Variants in PLXNA1 observed in about 807,000 individuals in gnomAD.
PLXNA1 encodes the protein plexin-A1.
In PLXNA1, 77 loss-of-function variants were observed where a neutral mutation model predicts 191.7. The observed-to-expected ratio is 0.40, with a 90% confidence interval of 0.33 to 0.49. The LOEUF (loss-of-function observed/expected upper bound fraction) is 0.49. Ranked by LOEUF, PLXNA1 falls within the 20% of genes least tolerant of loss-of-function variation. PLXNA1 has a pLI of 0.63. For missense variants in PLXNA1, 2,110 were observed against 2,660.2 expected (o/e 0.79, Z 4.55); for synonymous variants, 1,137 against 1,156.4 (o/e 0.98, Z 0.34).
chr3:127,025,048 G>T (rs1246220531), intron 23 of PLXNA1, among the ~76,000 whole-genome samples: 1 of 152,154 alleles, frequency 6.6e-6, no homozygotes, highest in Non-Finnish European at 1.5e-5. Context: ...ATTTGGTCCA[G>T]TCAGTGAACC....
intron 23 of PLXNA1, 108 bp from the exon 24 acceptor site, chr3:127,027,832 T>C: frequency 6.8e-7 from 1 of 1,466,382 alleles, no homozygotes; most frequent in African/African-American, 1.4e-5. Flanking sequence ...GAAGTGCTGC[T>C]CATTTCTCCT....
At chr3:126,996,570 G>A (rs1046021606) in intron 3 of PLXNA1, among the ~76,000 whole-genome samples, 1 of 152,164 alleles carries the variant, frequency 6.6e-6, no homozygotes, top group Non-Finnish European at 1.5e-5. Flanking sequence ...GTAGGAGACC[G>A]TCCTGAAAGA....
At chr3:127,006,567 G>A (rs1230517157) in intron 8 of PLXNA1, among the ~76,000 whole-genome samples, 4 of 152,306 alleles carry the variant, frequency 2.6e-5, no homozygotes, top group Non-Finnish European at 4.4e-5. Flanking sequence ...GTGGCCCATG[G>A]GCACTGGCAT....
At chr3:127,033,499 G>C (rs1195815092) in intron 31 of PLXNA1, among the ~76,000 whole-genome samples, 1 of 152,212 alleles carries the variant, frequency 6.6e-6, no homozygotes, top group East Asian at 1.9e-4. Flanking sequence ...CCTCAGGCAG[G>C]TGCCCCAGGG....
intron 14 of PLXNA1, 99 bp downstream of exon 14, chr3:127,014,930 C>T (rs1301453005): frequency 2.0e-6 from 3 of 1,505,162 alleles, no homozygotes; most frequent in Non-Finnish European, 2.7e-6. Context: ...TCTGGCCATG[C>T]TCTGCCACTG....
At chr3:127,028,384 A>G (rs755470363) in intron 25 of PLXNA1, 44 bp downstream of exon 25, 2 of 1,581,062 alleles carry the variant, frequency 1.3e-6, no homozygotes, top group Admixed American at 1.8e-5. Context: ...GTGCTGGAGC[A>G]GAGGGGCAGG....
At chr3:127,006,964 A>G (rs1476867159) in intron 8 of PLXNA1, among the ~76,000 whole-genome samples, 1 of 152,162 alleles carries the variant, frequency 6.6e-6, no homozygotes, top group Admixed American at 6.5e-5. Context: ...CTTTTCAGGT[A>G]TGCTTTTGTT....
At chr3:127,012,440 C>T (rs1264668455) in intron 10 of PLXNA1, among the ~76,000 whole-genome samples, 2 of 152,230 alleles carry the variant, frequency 1.3e-5, no homozygotes, top group African/African-American at 4.8e-5. Context: ...TGGGAGTGGA[C>T]AGCAGCCAGC....
intron 23 of PLXNA1, among the ~76,000 whole-genome samples, chr3:127,023,331 G>T (rs1413059329): frequency 1.3e-5 from 2 of 152,372 alleles, no homozygotes; most frequent in Admixed American, 6.5e-5. Flanking sequence ...GGGGATCTGG[G>T]TGGGCTTTAT....
rs944550562 is a variant in PLXNA1, at chr3:127,032,921, T to C, written c.5595+85T>C. 7.1e-6 allele frequency: 10 copies of C among 1,417,170 alleles called. No individual in the cohort carries two copies. In the East Asian group the frequency reaches 2.4e-4, roughly 34 times the overall value. The allele number at this position is 1,417,170 out of a possible 1,614,324, so 87.8% of individuals were successfully genotyped here. Reference sequence around the variant, plus strand: ...CACCTGCTCTGCCCCGCCCTGCCACTCCTCCCTGAATCTCTGGGCTGCCAC... The same window carrying C: ...CACCTGCTCTGCCCCGCCCTGCCACCCCTCCCTGAATCTCTGGGCTGCCAC... On this transcript the variant is annotated intron_variant, in intron 31 of 31. Coordinates refer to ENST00000393409, the MANE Select transcript of PLXNA1 (RefSeq NM_032242.4).
chr3:126,989,392 C>T lies in PLXNA1; in HGVS notation c.799C>T (p.Leu267=). The T allele has an allele frequency of 6.2e-7, 1 of 1,613,560 alleles. No homozygotes were observed. Among genetic ancestry groups the T allele is most frequent in the East Asian group, 2.2e-5 (1 of 44,892 alleles). ...YYLTLQLDTQ[L]TSPDAAGEHF... is the part of the protein sequence containing the mutation. ...CCTCACGCTGCAGCTAGACACACAG[C>T]TGACCTCGCCTGATGCCGCCGGCGA... The change falls in exon 2 of 32, where the codon CTG becomes TTG. Residue 267 remains leucine, a synonymous_variant. Coordinates refer to ENST00000393409, the MANE Select transcript of PLXNA1 (RefSeq NM_032242.4).
chr3:127,005,037 G>C (rs754851533), intron 6 of PLXNA1, 29 bp downstream of exon 6: 1 of 1,609,696 alleles, frequency 6.2e-7, no homozygotes, highest in South Asian at 1.1e-5. Flanking sequence ...GTGGTAAGGG[G>C]TGGGGGACAG....
intron 1 of PLXNA1, among the ~76,000 whole-genome samples, 130 bp from the exon 2 acceptor site, chr3:126,988,391 G>A (rs1220077109): frequency 6.6e-6 from 1 of 152,226 alleles, no homozygotes; most frequent in African/African-American, 2.4e-5. Flanking sequence ...GCTCCTCCTG[G>A]TGGGTCAGGT....
At position 127,028,431 on chromosome 3, in the gene PLXNA1, G is replaced by A. The variant is rs2079188089; in HGVS notation, c.4669+91G>A. The stretch of plus-strand genomic sequence containing the variant: ...GTACTGAGCTTGGCGGGGAAGGCCA[G>A]GCCAGTCCTCCACACCAGGCTGGTC... On this transcript the variant is annotated intron_variant, in intron 25 of 31. Coordinates refer to ENST00000393409, the MANE Select transcript of PLXNA1 (RefSeq NM_032242.4). 2.1e-6 allele frequency: 3 copies of A among 1,401,278 alleles called. No homozygotes were observed. The Admixed American group carries it at 7.3e-5, about 34-fold the overall frequency. 86.8% of individuals were successfully genotyped at this position (1,401,278 alleles called of 1,614,324 possible).
In PLXNA1 at chr3:127,014,745, C is replaced by T; in HGVS notation, c.2791C>T (p.Arg931Cys). ...VCEIGDASSV[R>C]AHDALVEVCV... ...TGAGATCGGGGACGCCAGCTCCGTG[C>T]GTGCCCATGACGCCCTGGTGGAGGT... Residue 931 changes from arginine to cysteine, a missense_variant, in exon 14 of 32, where the codon CGT becomes TGT. Coordinates refer to ENST00000393409, the MANE Select transcript of PLXNA1 (RefSeq NM_032242.4). 1.2e-6 allele frequency: 2 copies of T among 1,612,188 alleles called. No individual in the cohort carries two copies. Among genetic ancestry groups the T allele is most frequent in the South Asian group, 1.1e-5 (1 of 91,024 alleles).
intron 10 of PLXNA1, among the ~76,000 whole-genome samples, chr3:127,012,880 G>C (rs980975988): frequency 2.6e-5 from 4 of 152,210 alleles, no homozygotes; most frequent in Non-Finnish European, 4.4e-5. Flanking sequence ...TTCTGCTCAG[G>C]ACGGGTGTGA....
chr3:127,025,439 TG>T, intron 23 of PLXNA1, among the ~76,000 whole-genome samples: 1 of 152,372 alleles, frequency 6.6e-6, no homozygotes, highest in Admixed American at 6.5e-5. Context: ...TAAAAAAATT[TG>T]TTATGGTGAA....
intron 3 of PLXNA1, among the ~76,000 whole-genome samples, chr3:126,996,693 C>T (rs916762148): frequency 2.6e-5 from 4 of 152,218 alleles, no homozygotes; most frequent in Admixed American, 2.0e-4. Context: ...TGCTGTCCCC[C>T]ACCATTGAGT....
At position 127,029,105 on chromosome 3, in the gene PLXNA1, C is replaced by T. The variant is rs758838580; in HGVS notation, c.4773+9C>T. ...CACTGGCTCACTACCAGGTGGCTCC[C>T]GGCCCTCCGACCCTAGCACAGGCCT... On this transcript the variant is annotated intron_variant, in intron 26 of 31. Coordinates refer to ENST00000393409, the MANE Select transcript of PLXNA1 (RefSeq NM_032242.4). 100 of 1,609,106 alleles carry T rather than the reference C, an allele frequency of 6.2e-5. 1 individual carries two copies. In the Admixed American group the frequency reaches 1.1e-3, roughly 17 times the overall value.
Sources: allele counts gnomAD v4.1 joint callset (sites outside exome capture counted in the v4.1 genomes callset), GRCh38; gene constraint gnomAD v4.1.1; transcripts MANE v1.5; gene names NCBI Gene and HGNC (gene_info 2026-07-23, HGNC 2026-07-21).